The following APBA2 variants were observed in gnomAD, a reference collection of about 807,000 sequenced individuals.
APBA2 encodes amyloid-beta A4 precursor protein-binding family A member 2.
In APBA2, 30 loss-of-function variants were observed where a neutral mutation model predicts 75.0. The observed-to-expected ratio is 0.40, with a 90% CI of 0.30 to 0.54. The LOEUF is 0.54. Among genes scored for constraint, APBA2 ranks in the 20% least tolerant of loss-of-function variants. The pLI is 0.49. For synonymous variants in APBA2, 444 were observed against 409.6 expected (o/e 1.08, Z -1.01); for missense variants, 801 against 1,016.1 (o/e 0.79, Z 2.88).
intron 1 of APBA2, chr15:28,919,394 G>A (rs918033470): frequency 6.6e-6 from 1 of 152,252 alleles, no homozygotes; most frequent in Non-Finnish European, 1.5e-5. Flanking sequence ...TGGTTCCTGG[G>A]TGCCGCATCA....
At chr15:29,075,149 G>A in intron 5 of APBA2, 148 bp downstream of exon 5, 2 of 725,888 alleles carry the variant, frequency 2.8e-6, no homozygotes, top group Non-Finnish European at 5.0e-6. Context: ...AGGCCAAGTT[G>A]GTGTCACCAT....
chr15:29,114,119 G>A (rs2044906700), intron 14 of APBA2, 103 bp downstream of exon 14: 7 of 1,537,160 alleles, frequency 4.6e-6, no homozygotes, highest in Non-Finnish European at 5.4e-6. Context: ...GCATCTGAAG[G>A]TCAGCCAGGC....
At chr15:29,099,141 G>A (rs1595962567) in intron 9 of APBA2, among the ~76,000 whole-genome samples, 1 of 152,150 alleles carries the variant, frequency 6.6e-6, no homozygotes, top group Non-Finnish European at 1.5e-5. Context: ...CTGGGCTTGC[G>A]ACGCTTCACA....
chr15:28,903,172 T>C (rs2032956606), intron 1 of APBA2, among the ~76,000 whole-genome samples: 1 of 152,228 alleles, frequency 6.6e-6, no homozygotes, highest in East Asian at 1.9e-4. Context: ...CTTTATCTTA[T>C]GTTCACTAGA....
At chr15:28,976,844 A>G (rs948470936) in intron 2 of APBA2, among the ~76,000 whole-genome samples, 22 of 152,210 alleles carry the variant, frequency 1.4e-4, no homozygotes, top group African/African-American at 5.3e-4. Context: ...AACATTCAGC[A>G]TCTCATCCTT....
At chr15:28,901,945 T>TGTGTGTGTGTGTGTGTGTGTGTGTG (rs546149569) in intron 1 of APBA2, among the ~76,000 whole-genome samples, 1 of 140,742 alleles carries the variant, frequency 7.1e-6, no homozygotes, top group Non-Finnish European at 1.5e-5. Flanking sequence ...TGTGTGTATG[T>TGTGTGTGTGTGTGTGTGTGTGTGTG]TGGGGGTCTG....
At chr15:28,953,933 C>G (rs2036026852) in intron 2 of APBA2, among the ~76,000 whole-genome samples, 1 of 152,182 alleles carries the variant, frequency 6.6e-6, no homozygotes, top group African/African-American at 2.4e-5. Context: ...GACCTCCAGA[C>G]TGTACACCCT....
intron 10 of APBA2, among the ~76,000 whole-genome samples, chr15:29,104,848 C>T (rs994109749): frequency 6.6e-6 from 1 of 152,122 alleles, no homozygotes; most frequent in African/African-American, 2.4e-5. Flanking sequence ...GTTTGGGAGG[C>T]CAAGGCAGGA....
intron 2 of APBA2, among the ~76,000 whole-genome samples, chr15:28,982,444 A>ACCT (rs2037676343): frequency 6.6e-6 from 1 of 152,252 alleles, no homozygotes; most frequent in Non-Finnish European, 1.5e-5. Flanking sequence ...AAAGTCCAGA[A>ACCT]TACCTGGTTG....
At chr15:28,922,634 T>C (rs1375493313) in intron 2 of APBA2, among the ~76,000 whole-genome samples, 1 of 152,172 alleles carries the variant, frequency 6.6e-6, no homozygotes, top group Non-Finnish European at 1.5e-5. Context: ...TCTGACACAC[T>C]GCTCTCCCTC....
Position 29,072,426 on chromosome 15 carries a change from C to T in APBA2, c.952-2495C>T, listed in dbSNP as rs74697770. ...AAGGTTTACTTTAGGAGAATGTGAG[C>T]GGCATCTGAGGCGAGATTCTCTTGT... On this transcript the variant is annotated intron_variant, in intron 4 of 14. Coordinates refer to ENST00000683413, the MANE Select transcript of APBA2 (RefSeq NM_001353788.2). Among the ~76,000 whole-genome samples, 1,202 of 152,292 alleles carry T rather than the reference C, an allele frequency of 7.9e-3. 18 individuals carry two copies. Among genetic ancestry groups the T allele is most frequent in the African/African-American group, 0.027 (1,114 of 41,570 alleles).
At chr15:29,064,998 G>T (rs1165880609) in intron 4 of APBA2, among the ~76,000 whole-genome samples, 1 of 150,412 alleles carries the variant, frequency 6.6e-6, no homozygotes, top group Non-Finnish European at 1.5e-5. Context: ...AAGCCGAGGT[G>T]CTCATAGTGT....
chr15:28,937,805 C>T (rs532060454), intron 2 of APBA2, among the ~76,000 whole-genome samples: 15 of 152,098 alleles, frequency 9.9e-5, no homozygotes, highest in South Asian at 8.3e-4. Context: ...TACAGGCGCC[C>T]GCCACCACGC....
intron 2 of APBA2, among the ~76,000 whole-genome samples, chr15:28,962,304 G>A (rs1420196121): frequency 6.6e-6 from 1 of 151,918 alleles, no homozygotes; most frequent in African/African-American, 2.4e-5. Flanking sequence ...GGGCGCGGTG[G>A]CTCACGCCTG....
intron 6 of APBA2, among the ~76,000 whole-genome samples, chr15:29,091,372 G>A (rs1467870334): frequency 3.3e-5 from 5 of 152,112 alleles, no homozygotes; most frequent in African/African-American, 1.2e-4. Flanking sequence ...GCAGGAAGGA[G>A]GGCCAAGTGG....
At position 28,886,111 on chromosome 15, in the gene APBA2, C is replaced by G. The variant is rs1393801554; in HGVS notation, c.-372C>G. 1 of 149,836 alleles carries G rather than the reference C, an allele frequency of 6.7e-6. No individual in the cohort carries two copies. Among genetic ancestry groups the G allele is most frequent in the East Asian group, 2.0e-4 (1 of 5,122 alleles). 9.3% of individuals were successfully genotyped at this position (149,836 alleles called of 1,614,324 possible). A position where few individuals can be genotyped will look rare whatever the true frequency, so the allele number is the denominator to read the frequency against. ...CGGCCCTGCGTGCCGTACGCTGCGT[C>G]CGGGGCGCGCCCGCCGCTATTCGGG... On this transcript the variant is annotated 5_prime_UTR_variant, in exon 1 of 15. Transcript: ENST00000683413.
At chr15:29,088,899 T>C (rs960624219) in intron 6 of APBA2, among the ~76,000 whole-genome samples, 1 of 152,176 alleles carries the variant, frequency 6.6e-6, no homozygotes, top group Non-Finnish European at 1.5e-5. Flanking sequence ...TAAGGTGTCA[T>C]TGTCTCTGCA....
At chr15:29,063,847 C>A (rs567083968) in intron 4 of APBA2, among the ~76,000 whole-genome samples, 2 of 151,880 alleles carry the variant, frequency 1.3e-5, no homozygotes, top group African/African-American at 4.8e-5. Context: ...GACCTGTCCT[C>A]GGGAGTGACA....
intron 3 of APBA2, among the ~76,000 whole-genome samples, chr15:29,030,577 A>G (rs566112207): frequency 5.2e-4 from 79 of 152,326 alleles, no homozygotes; most frequent in Non-Finnish European, 8.5e-4. Flanking sequence ...TTGGGAGGCA[A>G]TGAATTGATA....
Sources: gnomAD v4.1 joint callset for allele counts (sites outside exome capture counted in the v4.1 genomes callset) on GRCh38, gnomAD v4.1.1 for gene constraint, MANE v1.5 for transcripts, NCBI Gene and HGNC (gene_info 2026-07-23, HGNC 2026-07-21) for gene names.